APOL3: variants seen among roughly 807,000 people sequenced by gnomAD.
APOL3 encodes the protein TNF-inducible protein CG12-1.
APOL3 carries 14 observed loss-of-function variants against 11.6 expected under a neutral mutation model. The ratio of observed to expected loss-of-function variants is 1.21; its 90% CI spans 0.80 to 1.89. The LOEUF is 1.89. Ranked by LOEUF, APOL3 falls within the 40% of genes most tolerant of loss-of-function variation. APOL3 has a pLI of 0.00. For missense variants in APOL3, 483 were observed against 492.1 expected (o/e 0.98, Z 0.17); for synonymous variants, 192 against 190.6 (o/e 1.01, Z -0.06).
At chr22:36,148,250 C>A (rs2060290062) in intron 1 of APOL3, among the ~76,000 whole-genome samples, 2 of 152,228 alleles carry the variant, frequency 1.3e-5, no homozygotes, top group Admixed American at 1.3e-4. Context: ...CTGCCTGAGG[C>A]AGTCATCCCT....
At chr22:36,141,444 G>A in exon 3 of APOL3, 2 of 1,614,154 alleles carry the variant, frequency 1.2e-6, no homozygotes, top group Non-Finnish European at 1.7e-6. Flanking sequence ...CGTTCTCTCT[G>A]CTTGACCACC....
intron 1 of APOL3, chr22:36,149,436 C>T: frequency 1.6e-6 from 2 of 1,273,394 alleles, no homozygotes; most frequent in South Asian, 2.5e-5. Context: ...ACAGAAACTA[C>T]AGAGTCTATA....
chr22:36,148,738 T>C (rs2060311625), intron 1 of APOL3, among the ~76,000 whole-genome samples: 1 of 152,134 alleles, frequency 6.6e-6, no homozygotes, highest in Non-Finnish European at 1.5e-5. Context: ...GCTCTCCCCC[T>C]ACTCCCCGAC....
intron 1 of APOL3, chr22:36,146,013 A>ACACG (rs2060201375): frequency 3.6e-5 from 4 of 110,948 alleles, no homozygotes; most frequent in African/African-American, 1.1e-4. Context: ...ACACACTCAC[A>ACACG]CACACACACA....
intron 1 of APOL3, among the ~76,000 whole-genome samples, chr22:36,155,459 G>T (rs1406145112): frequency 6.6e-6 from 1 of 152,120 alleles, no homozygotes; most frequent in Admixed American, 6.5e-5. Context: ...GCATCCAGGT[G>T]TCTATTGTCT....
chr22:36,158,966 C>CGT (rs35041494), intron 1 of APOL3, among the ~76,000 whole-genome samples: 9,132 of 150,118 alleles, frequency 0.061, 848 homozygotes, highest in African/African-American at 0.21. Context: ...TGTGAGTGTG[C>CGT]GTGTGTGTGT....
At chr22:36,149,606 G>T (rs2060355409) in intron 1 of APOL3, among the ~76,000 whole-genome samples, 1 of 152,210 alleles carries the variant, frequency 6.6e-6, no homozygotes, top group Non-Finnish European at 1.5e-5. Context: ...CAGGAGATGG[G>T]TGCAACCGTG....
intron 1 of APOL3, among the ~76,000 whole-genome samples, chr22:36,150,501 G>T (rs1282265965): frequency 1.3e-5 from 2 of 152,148 alleles, no homozygotes; most frequent in Non-Finnish European, 2.9e-5. Context: ...ATCTACTAAG[G>T]TGTAAAGACT....
At chr22:36,156,333 GGGAT>G (rs1275604322) in intron 1 of APOL3, among the ~76,000 whole-genome samples, 2 of 152,100 alleles carry the variant, frequency 1.3e-5, no homozygotes, top group East Asian at 3.9e-4. Flanking sequence ...CTGGGTTCGA[GGGAT>G]CCTCCTGCAT....
chr22:36,145,474 T>A (rs944781547), exon 2 of APOL3: 2 of 1,613,940 alleles, frequency 1.2e-6, no homozygotes, highest in African/African-American at 2.7e-5. Context: ...GGAGGTTACC[T>A]GGGCAATTCA....
upstream of APOL3, chr22:36,161,336 C>T: frequency 5.4e-6 from 1 of 186,464 alleles, no homozygotes; most frequent in South Asian, 1.1e-4. Context: ...CAAGCATGAG[C>T]CACTCGGCCT....
intron 1 of APOL3, 152 bp from the exon 3 acceptor site, chr22:36,145,751 GC>G: frequency 1.1e-6 from 1 of 907,230 alleles, no homozygotes. Flanking sequence ...TGAGTTGTGT[GC>G]CCTCCAAATT....
At chr22:36,144,010 G>T (rs2060095921) in intron 2 of APOL3, among the ~76,000 whole-genome samples, 1 of 152,078 alleles carries the variant, frequency 6.6e-6, no homozygotes, top group Admixed American at 6.5e-5. Flanking sequence ...CTCCAAGCTG[G>T]CCCGAAGAAA....
rs71193207 is a variant in APOL3, at chr22:36,145,980, T to TTCTCTCTCTC, written c.224-391_224-382dup. On this transcript the variant is annotated intron_variant, in intron 1 of 2. Transcript: ENST00000349314. ...TCCAGCCCTCTCTCCCTGTCTCTCT[T>TTCTCTCTCTC]TCTCTCTCTCTCTCTCTCTCTCACA... 2.3e-3 allele frequency among the ~76,000 whole-genome samples: 272 copies of TTCTCTCTCTC among 118,712 alleles called. 3 individuals are homozygous for TTCTCTCTCTC. The highest frequency in any genetic ancestry group is 0.018 in the Middle Eastern group (4 of 228). 77.9% of individuals were successfully genotyped at this position (118,712 alleles called of 152,430 possible). A position where few individuals can be genotyped will look rare whatever the true frequency, so the allele number is the denominator to read the frequency against.
intron 2 of APOL3, among the ~76,000 whole-genome samples, chr22:36,144,523 C>T (rs1011991220): frequency 1.3e-5 from 2 of 152,164 alleles, no homozygotes; most frequent in African/African-American, 4.8e-5. Context: ...GAGCCAAGAT[C>T]CACCCCCAGC....
intron 1 of APOL3, among the ~76,000 whole-genome samples, chr22:36,150,223 G>T (rs1259352076): frequency 1.3e-5 from 2 of 152,274 alleles, no homozygotes; most frequent in African/African-American, 4.8e-5. Flanking sequence ...TTTAGGCATT[G>T]TTCTAAGAAG....
rs150178861 is a variant in APOL3, at chr22:36,141,174, C to G, written c.*26G>C. On this transcript the variant is annotated 3_prime_UTR_variant, in exon 3 of 3. Coordinates refer to ENST00000349314, the Ensembl canonical transcript of APOL3. ...GTCGTGGCCTGTGTATGGCTCACCT[C>G]CCCTGCTGGCTGCACTGGTCTGGGG... The G allele has an allele frequency of 2.2e-4, 345 of 1,600,342 alleles. 2 individuals carry two copies. The African/African-American group carries it at 3.8e-3, about 18-fold the overall frequency.
exon 3 of APOL3, chr22:36,141,068 A>G (rs2059966026): frequency 1.4e-6 from 2 of 1,384,466 alleles, no homozygotes; most frequent in Admixed American, 2.2e-5. Flanking sequence ...GCTCAGCTAC[A>G]GAAATGCCAA....
At chr22:36,140,906 T>G in exon 3 of APOL3, 2 of 357,698 alleles carry the variant, frequency 5.6e-6, no homozygotes, top group Non-Finnish European at 1.0e-5. Context: ...CTCCCCTCTA[T>G]TCCTCCCCCC....
Sources: allele counts gnomAD v4.1 joint callset (sites outside exome capture counted in the v4.1 genomes callset), GRCh38; gene constraint gnomAD v4.1.1; transcripts MANE v1.5; gene names NCBI Gene and HGNC (gene_info 2026-07-23, HGNC 2026-07-21).